Variants in DPP10 observed in about 807,000 individuals in gnomAD.
DPP10 encodes the protein dipeptidyl peptidase like 10, also known as inactive dipeptidyl peptidase 10.
A neutral mutation model predicts 120.9 loss-of-function variants in DPP10; 33 were observed. The observed-to-expected ratio is 0.27, with a 90% CI of 0.21 to 0.37. DPP10 has a LOEUF of 0.37. Among genes scored for constraint, DPP10 ranks in the 10% least tolerant of loss-of-function variants. The pLI is 1.00. For synonymous variants in DPP10, 337 were observed against 326.1 expected (o/e 1.03, Z -0.36); for missense variants, 816 against 942.8 (o/e 0.87, Z 1.76).
intron 1 of DPP10, among the ~76,000 whole-genome samples, chr2:114,445,442 C>G (rs1394068193): frequency 1.3e-5 from 2 of 151,626 alleles, no homozygotes; most frequent in African/African-American, 4.9e-5. Context: ...TAAACTACGG[C>G]TAAAAAGAAT....
chr2:115,088,755 A>AG (rs1708963016), intron 1 of DPP10, among the ~76,000 whole-genome samples: 1 of 149,630 alleles, frequency 6.7e-6, no homozygotes, highest in Admixed American at 6.6e-5. Flanking sequence ...CCTGACAAAA[A>AG]AAAAAAAAAA....
At chr2:114,633,248 CTTTTTTTT>C (rs35372708) in intron 1 of DPP10, among the ~76,000 whole-genome samples, 11 of 72,780 alleles carry the variant, frequency 1.5e-4, no homozygotes, top group South Asian at 9.5e-4. Context: ...GTTTTTCTTT[CTTTTTTTT>C]TTTTTTTTTT....
chr2:114,820,036 T>C (rs140598082), intron 1 of DPP10, among the ~76,000 whole-genome samples: 4,031 of 152,342 alleles, frequency 0.026, 87 homozygotes, highest in South Asian at 0.072. Flanking sequence ...TAATTTTGAT[T>C]GAGTGGCTGT....
At chr2:115,836,114 T>A in intron 21 of DPP10, 43 bp from the exon 22 acceptor site, 1 of 907,116 alleles carries the variant, frequency 1.1e-6, no homozygotes, top group Non-Finnish European at 1.5e-6. Context: ...TGTGTGTGTG[T>A]GTGAGATATA....
At chr2:115,013,646 G>T (rs1349235659) in intron 1 of DPP10, among the ~76,000 whole-genome samples, 47 of 114,820 alleles carry the variant, frequency 4.1e-4, no homozygotes, top group Non-Finnish European at 7.5e-4. Flanking sequence ...TATTTACCAA[G>T]CAAATGGAAA....
intron 1 of DPP10, among the ~76,000 whole-genome samples, chr2:114,456,768 A>G (rs1428239659): frequency 2.6e-5 from 4 of 152,248 alleles, no homozygotes; most frequent in African/African-American, 9.6e-5. Flanking sequence ...CCCAGTAATT[A>G]AAATAGGGCA....
chr2:115,593,810 T>G (rs2149186269), intron 5 of DPP10, among the ~76,000 whole-genome samples: 1 of 152,350 alleles, frequency 6.6e-6, no homozygotes, highest in Non-Finnish European at 1.5e-5. Flanking sequence ...CTTATTATAC[T>G]TGGCTTGATT....
chr2:115,279,015 T>C (rs945931190), intron 1 of DPP10, among the ~76,000 whole-genome samples: 4 of 152,208 alleles, frequency 2.6e-5, no homozygotes, highest in Admixed American at 1.3e-4. Context: ...TGTAAACTTG[T>C]GTTATCTTTG....
intron 1 of DPP10, among the ~76,000 whole-genome samples, chr2:114,961,390 G>A (rs1228982301): frequency 1.3e-5 from 2 of 151,936 alleles, no homozygotes; most frequent in African/African-American, 4.8e-5. Context: ...CTTATGAAAT[G>A]TAATTGGAGC....
chr2:115,118,694 C>T (rs1255421798), intron 1 of DPP10, among the ~76,000 whole-genome samples: 2 of 152,048 alleles, frequency 1.3e-5, no homozygotes, highest in African/African-American at 4.8e-5. Context: ...ATTCTCCTGC[C>T]TCAGTCTCCC....
At chr2:115,307,748 C>G (rs2061417972) in intron 1 of DPP10, among the ~76,000 whole-genome samples, 1 of 152,062 alleles carries the variant, frequency 6.6e-6, no homozygotes. Context: ...TAGAAACTTG[C>G]AGGAACGTTG....
At chr2:115,679,594 A>T (rs1201576454) in intron 5 of DPP10, among the ~76,000 whole-genome samples, 1 of 152,202 alleles carries the variant, frequency 6.6e-6, no homozygotes, top group Non-Finnish European at 1.5e-5. Flanking sequence ...AATCATTGTA[A>T]GTGTCCATCA....
At chr2:115,786,085 G>C (rs1278471299) in intron 17 of DPP10, among the ~76,000 whole-genome samples, 2 of 152,114 alleles carry the variant, frequency 1.3e-5, no homozygotes, top group African/African-American at 4.8e-5. Flanking sequence ...AAAAGAGGTA[G>C]TTTGATGTGC....
chr2:114,756,108 T>A (rs1679720201), intron 1 of DPP10, among the ~76,000 whole-genome samples: 1 of 152,148 alleles, frequency 6.6e-6, no homozygotes, highest in South Asian at 2.1e-4. Context: ...TTTGAAACTA[T>A]AAAGAGAAAT....
At chr2:115,485,297 T>C (rs908485214) in intron 3 of DPP10, among the ~76,000 whole-genome samples, 1 of 150,146 alleles carries the variant, frequency 6.7e-6, no homozygotes, top group African/African-American at 2.5e-5. Flanking sequence ...TGAGAAGTTA[T>C]TTTATCCAAA....
chr2:115,562,792 T>C (rs1188044405), intron 5 of DPP10, among the ~76,000 whole-genome samples: 1 of 152,236 alleles, frequency 6.6e-6, no homozygotes, highest in African/African-American at 2.4e-5. Context: ...TTATATCTTC[T>C]ATTGTCTACA....
intron 5 of DPP10, among the ~76,000 whole-genome samples, chr2:115,674,093 C>A (rs114357398): frequency 6.6e-6 from 1 of 151,986 alleles, no homozygotes; most frequent in Non-Finnish European, 1.5e-5. Context: ...GGCATGGTGA[C>A]GCTTGCCTGT....
chr2:115,648,363 C>T (rs148825942), intron 5 of DPP10, among the ~76,000 whole-genome samples: 31 of 151,830 alleles, frequency 2.0e-4, no homozygotes, highest in East Asian at 1.2e-3. Context: ...AACATGGTGA[C>T]GATAGTTCAT....
intron 1 of DPP10, among the ~76,000 whole-genome samples, chr2:115,020,369 T>A (rs759851478): frequency 6.6e-6 from 1 of 152,046 alleles, no homozygotes; most frequent in Non-Finnish European, 1.5e-5. Context: ...TATTCTTATA[T>A]CAGACAAAAC....
Sources: gnomAD v4.1 joint callset for allele counts (sites outside exome capture counted in the v4.1 genomes callset) on GRCh38, gnomAD v4.1.1 for gene constraint, MANE v1.5 for transcripts, NCBI Gene and HGNC (gene_info 2026-07-23, HGNC 2026-07-21) for gene names.